PPM1B: variants seen among roughly 807,000 people sequenced by gnomAD.
The protein encoded by PPM1B is protein phosphatase, Mg2+/Mn2+ dependent 1B.
Under a neutral mutation model 43.0 loss-of-function variants are expected in PPM1B, and 22 were observed. That is an observed-to-expected ratio of 0.51 (90% confidence interval 0.37 to 0.73). The LOEUF (loss-of-function observed/expected upper bound fraction) is 0.73, where lower values mean the gene tolerates loss of function less well. Ranked by LOEUF, PPM1B falls within the 30% of genes least tolerant of loss-of-function variation. The pLI is 0.00. For synonymous variants in PPM1B, 217 were observed against 197.9 expected, an observed-to-expected ratio of 1.10 and a Z score of -0.81; for missense variants, 632 against 584.2, an observed-to-expected ratio of 1.08 and a Z score of -0.84.
chr2:44,170,432 T>C (rs905384864), intron 1 of PPM1B, among the ~76,000 whole-genome samples: 2 of 152,234 alleles, frequency 1.3e-5, no homozygotes, highest in African/African-American at 4.8e-5. Context: ...AAAAACATTC[T>C]TTTTCTGTTA....
intron 5 of PPM1B, among the ~76,000 whole-genome samples, chr2:44,221,363 G>A (rs1156347043): frequency 6.6e-6 from 1 of 152,068 alleles, no homozygotes; most frequent in East Asian, 1.9e-4. Context: ...GAAAAATACC[G>A]CAGAAGGAGA....
intron 1 of PPM1B, among the ~76,000 whole-genome samples, chr2:44,174,570 GTAGAT>G (rs1395423863): frequency 1.3e-5 from 2 of 152,214 alleles, no homozygotes; most frequent in Non-Finnish European, 2.9e-5. Flanking sequence ...ATGTTATCAG[GTAGAT>G]TCAAACGTAT....
At chr2:44,188,994 G>A (rs34258601) in intron 1 of PPM1B, among the ~76,000 whole-genome samples, 82,867 of 151,662 alleles carry the variant, frequency 0.55, 23,645 homozygotes, top group Admixed American at 0.65. Flanking sequence ...TCAGTCTCCC[G>A]GGTAGCTGGG....
At chr2:44,181,173 T>G (rs1484807835) in intron 1 of PPM1B, among the ~76,000 whole-genome samples, 2 of 152,184 alleles carry the variant, frequency 1.3e-5, no homozygotes, top group Non-Finnish European at 2.9e-5. Flanking sequence ...GGTCTCCGAC[T>G]CCTGTGCTCA....
downstream of PPM1B, among the ~76,000 whole-genome samples, chr2:44,236,537 A>G (rs546465792): frequency 2.0e-4 from 31 of 151,934 alleles, no homozygotes; most frequent in African/African-American, 4.6e-4. Flanking sequence ...GAGAAATAAT[A>G]TTAGTCGGGG....
At chr2:44,176,907 AGTAGCTGG>A (rs1319907752) in intron 1 of PPM1B, among the ~76,000 whole-genome samples, 1 of 152,038 alleles carries the variant, frequency 6.6e-6, no homozygotes, top group Non-Finnish European at 1.5e-5. Flanking sequence ...CAGCCTCCCA[AGTAGCTGG>A]GATTACAGGC....
intron 3 of PPM1B, among the ~76,000 whole-genome samples, chr2:44,209,634 G>A (rs538069893): frequency 3.9e-5 from 6 of 152,078 alleles, no homozygotes; most frequent in Non-Finnish European, 5.9e-5. Flanking sequence ...AAAATTAGCC[G>A]GGCATGGTGG....
chr2:44,234,019 A>C, downstream of PPM1B: 1 of 981,918 alleles, frequency 1.0e-6, no homozygotes, highest in Non-Finnish European at 1.2e-6. Context: ...AATGCAGTGA[A>C]CATAACCAAC....
At chr2:44,203,287 T>C (rs1176849934) in intron 2 of PPM1B, among the ~76,000 whole-genome samples, 2 of 152,188 alleles carry the variant, frequency 1.3e-5, no homozygotes, top group Non-Finnish European at 2.9e-5. Context: ...TGTATCTTTT[T>C]ACTTCTGGAT....
At chr2:44,194,459 C>T (rs1358542430) in intron 1 of PPM1B, among the ~76,000 whole-genome samples, 1 of 151,762 alleles carries the variant, frequency 6.6e-6, no homozygotes, top group Non-Finnish European at 1.5e-5. Context: ...CGTGTTGGCT[C>T]ATGCCTGTAA....
At chr2:44,209,128 A>G (rs779938372) in intron 2 of PPM1B, 82 bp from the exon 3 acceptor site, 9 of 1,206,386 alleles carry the variant, frequency 7.5e-6, no homozygotes, top group South Asian at 5.0e-5. Flanking sequence ...TAAATAAACT[A>G]TAATTGCTTA....
chr2:44,195,514 A>G (rs1213830507), intron 1 of PPM1B, among the ~76,000 whole-genome samples: 1 of 151,936 alleles, frequency 6.6e-6, no homozygotes, highest in Non-Finnish European at 1.5e-5. Flanking sequence ...CCCAGCCCAG[A>G]CATGTATTAA....
At chr2:44,236,348 A>T (rs1378139578), downstream of PPM1B, among the ~76,000 whole-genome samples, 3 of 143,592 alleles carry the variant, frequency 2.1e-5, no homozygotes, top group Non-Finnish European at 4.5e-5. Context: ...GATTGCAGTG[A>T]GCCGAGATCG....
intron 5 of PPM1B, among the ~76,000 whole-genome samples, chr2:44,222,661 A>G (rs1353302350): frequency 1.3e-5 from 2 of 152,204 alleles, no homozygotes; most frequent in Non-Finnish European, 2.9e-5. Context: ...ACAAAGCTAA[A>G]TAAATCATGC....
chr2:44,176,694 T>A (rs961085493), intron 1 of PPM1B, among the ~76,000 whole-genome samples: 1 of 152,212 alleles, frequency 6.6e-6, no homozygotes, highest in African/African-American at 2.4e-5. Context: ...GCATAAAAGA[T>A]CTTTCATCTT....
intron 5 of PPM1B, among the ~76,000 whole-genome samples, chr2:44,242,017 C>A (rs1266155355): frequency 1.3e-5 from 2 of 151,792 alleles, no homozygotes; most frequent in African/African-American, 4.8e-5. Context: ...TGCCACCACG[C>A]CCGGCTAATT....
At chr2:44,245,494 A>G (rs1012292746), downstream of PPM1B, among the ~76,000 whole-genome samples, 4 of 152,226 alleles carry the variant, frequency 2.6e-5, no homozygotes, top group South Asian at 6.2e-4. Flanking sequence ...CACAAAAAAC[A>G]CTAAGCCTTG....
chr2:44,245,449 G>T (rs1385729026), downstream of PPM1B, among the ~76,000 whole-genome samples: 1 of 152,096 alleles, frequency 6.6e-6, no homozygotes, highest in East Asian at 1.9e-4. Flanking sequence ...AACCCTCGGG[G>T]CTATGAAAAT....
At chr2:44,210,005 A>T (rs1416268985) in intron 3 of PPM1B, among the ~76,000 whole-genome samples, 2 of 152,036 alleles carry the variant, frequency 1.3e-5, no homozygotes, top group Non-Finnish European at 2.9e-5. Context: ...CCCTGCGTAC[A>T]TTCCTAGTAG....
Sources: gnomAD v4.1 joint callset for allele counts (sites outside exome capture counted in the v4.1 genomes callset) on GRCh38, gnomAD v4.1.1 for gene constraint, MANE v1.5 for transcripts, NCBI Gene and HGNC (gene_info 2026-07-23, HGNC 2026-07-21) for gene names.